LRRC20: variants seen among roughly 807,000 people sequenced by gnomAD.
The protein encoded by LRRC20 is leucine-rich repeat-containing protein 20.
A neutral mutation model predicts 14.4 loss-of-function variants in LRRC20; 11 were observed. That is an observed-to-expected ratio of 0.77 (90% CI 0.48 to 1.27). The LOEUF is 1.27. Ranked by LOEUF, LRRC20 falls within the 50% of genes most tolerant of loss-of-function variation. The pLI is 0.00. For missense variants in LRRC20, 219 were observed against 251.2 expected (o/e 0.87, Z 0.87); for synonymous variants, 121 against 107.3 (o/e 1.13, Z -0.79).
intron 2 of LRRC20, among the ~76,000 whole-genome samples, chr10:70,343,870 T>C (rs1842994007): frequency 6.6e-6 from 1 of 152,182 alleles, no homozygotes; most frequent in African/African-American, 2.4e-5. Context: ...AATAAGGATG[T>C]CTTTCATCAC....
chr10:70,364,919 C>T (rs1027543042), intron 2 of LRRC20, among the ~76,000 whole-genome samples: 1 of 152,198 alleles, frequency 6.6e-6, no homozygotes, highest in Non-Finnish European at 1.5e-5. Context: ...CCCTGCCCCA[C>T]CCCGCAGCAG....
At chr10:70,310,404 G>A (rs1010135545) in intron 4 of LRRC20, among the ~76,000 whole-genome samples, 15 of 152,176 alleles carry the variant, frequency 9.9e-5, no homozygotes, top group African/African-American at 3.6e-4. Context: ...CCTCCGCTTT[G>A]CCTTCAATAC....
chr10:70,311,124 T>C (rs1248868026), intron 4 of LRRC20, among the ~76,000 whole-genome samples: 1 of 152,174 alleles, frequency 6.6e-6, no homozygotes, highest in Non-Finnish European at 1.5e-5. Context: ...AGGTTACAAA[T>C]TGGTGACTTT....
intron 2 of LRRC20, among the ~76,000 whole-genome samples, chr10:70,356,415 C>T (rs1490512093): frequency 6.6e-6 from 1 of 152,094 alleles, no homozygotes; most frequent in Non-Finnish European, 1.5e-5. Flanking sequence ...ACTTGGGAGG[C>T]TGTGGTGGGA....
At chr10:70,317,198 G>T (rs1325492522) in intron 4 of LRRC20, among the ~76,000 whole-genome samples, 1 of 152,186 alleles carries the variant, frequency 6.6e-6, no homozygotes, top group Non-Finnish European at 1.5e-5. Flanking sequence ...GTGGAAAGTG[G>T]TCAGGATTGA....
At chr10:70,313,045 C>A (rs758871371) in intron 4 of LRRC20, among the ~76,000 whole-genome samples, 1 of 152,226 alleles carries the variant, frequency 6.6e-6, no homozygotes, top group Admixed American at 6.5e-5. Context: ...CCCACCACAG[C>A]CTTTCCCTCC....
chr10:70,346,681 G>A (rs1012281819), intron 2 of LRRC20, among the ~76,000 whole-genome samples: 31 of 152,206 alleles, frequency 2.0e-4, no homozygotes, highest in East Asian at 1.2e-3. Flanking sequence ...ACATGCCTGG[G>A]AAAGACAATA....
At chr10:70,321,266 C>T (rs867480257) in intron 4 of LRRC20, among the ~76,000 whole-genome samples, 3 of 152,328 alleles carry the variant, frequency 2.0e-5, no homozygotes, top group Middle Eastern at 6.8e-3. Context: ...CTACAAGTAG[C>T]GAAGAGTGCA....
At chr10:70,321,454 C>G (rs1395350916) in intron 4 of LRRC20, among the ~76,000 whole-genome samples, 3 of 152,186 alleles carry the variant, frequency 2.0e-5, no homozygotes, top group Non-Finnish European at 4.4e-5. Context: ...TCGGATGGAT[C>G]AGGGAGAGAT....
At chr10:70,336,190 G>A (rs1365975600) in intron 3 of LRRC20, among the ~76,000 whole-genome samples, 3 of 152,226 alleles carry the variant, frequency 2.0e-5, no homozygotes, top group African/African-American at 4.8e-5. Flanking sequence ...GGGCTCTGCT[G>A]TTATCACTCA....
intron 3 of LRRC20, among the ~76,000 whole-genome samples, chr10:70,334,676 G>A (rs1275596823): frequency 6.6e-6 from 1 of 152,114 alleles, no homozygotes; most frequent in Non-Finnish European, 1.5e-5. Flanking sequence ...GATGAACTCA[G>A]TTGCTTTAAC....
At chr10:70,342,544 G>A (rs1052762562) in intron 2 of LRRC20, among the ~76,000 whole-genome samples, 1 of 152,136 alleles carries the variant, frequency 6.6e-6, no homozygotes, top group African/African-American at 2.4e-5. Flanking sequence ...TCATCAAGGT[G>A]TCACTCAAGT....
At chr10:70,367,348 G>GAAAAAAAAGA (rs1554843841) in intron 2 of LRRC20, among the ~76,000 whole-genome samples, 1 of 137,496 alleles carries the variant, frequency 7.3e-6, no homozygotes, top group Non-Finnish European at 1.6e-5. Flanking sequence ...AAAAAAGAAA[G>GAAAAAAAAGA]AAAAGAAAAA....
At chr10:70,314,170 T>C (rs189745157) in intron 4 of LRRC20, among the ~76,000 whole-genome samples, 1 of 152,282 alleles carries the variant, frequency 6.6e-6, no homozygotes, top group Admixed American at 6.5e-5. Flanking sequence ...ATGGGAATTA[T>C]GGGAGCTACA....
intron 2 of LRRC20, among the ~76,000 whole-genome samples, chr10:70,360,790 C>G (rs1049153965): frequency 1.3e-5 from 2 of 152,164 alleles, no homozygotes; most frequent in African/African-American, 4.8e-5. Flanking sequence ...CGTTGTGTCT[C>G]ACATGAAAGT....
At chr10:70,330,997 T>C (rs1842515795) in intron 3 of LRRC20, among the ~76,000 whole-genome samples, 1 of 152,238 alleles carries the variant, frequency 6.6e-6, no homozygotes, top group Non-Finnish European at 1.5e-5. Context: ...TACATCTTCC[T>C]GGAGGCAGGT....
chr10:70,305,264 T>C (rs1028462854), intron 4 of LRRC20, among the ~76,000 whole-genome samples: 2 of 152,182 alleles, frequency 1.3e-5, no homozygotes, highest in Admixed American at 6.5e-5. Flanking sequence ...CTGTCCATGG[T>C]CACTTGGGTT....
chr10:70,323,867 G>C lies in LRRC20; in HGVS notation c.396C>G (p.Ile132Met), dbSNP rs187434356. 6.2e-7 allele frequency: 1 copy of C among 1,613,974 alleles called. No individual in the cohort carries two copies. The highest frequency in any genetic ancestry group is 1.3e-5 in the African/African-American group (1 of 74,946). The change falls in exon 4 of 5, where the codon ATC becomes ATG. Residue 132 changes from isoleucine to methionine, a missense_variant. Coordinates refer to ENST00000446961, the MANE Select transcript of LRRC20 (RefSeq NM_001278212.2). ...LETINLEENE[I>M]VDVPVEKLAA... ...AGGTGGGCCAGGCCCACTCACCTAC[G>C]ATCTCGTTCTCCTCCAGGTTGATGG...
At chr10:70,355,323 C>T (rs775916772) in intron 2 of LRRC20, among the ~76,000 whole-genome samples, 10 of 152,188 alleles carry the variant, frequency 6.6e-5, no homozygotes, top group Admixed American at 6.5e-4. Context: ...TCCCCTCCCC[C>T]AGGGACAACC....
Sources: allele counts gnomAD v4.1 joint callset (sites outside exome capture counted in the v4.1 genomes callset), GRCh38; gene constraint gnomAD v4.1.1; transcripts MANE v1.5; gene names NCBI Gene and HGNC (gene_info 2026-07-23, HGNC 2026-07-21).